SLC16A1: variants seen among roughly 807,000 people sequenced by gnomAD.
The protein encoded by SLC16A1 is solute carrier family 16 member 1, also known as monocarboxylate transporter 1.
A neutral mutation model predicts 32.2 loss-of-function variants in SLC16A1; 11 were observed. The ratio of observed to expected loss-of-function variants is 0.34; its 90% CI spans 0.21 to 0.56. The LOEUF (loss-of-function observed/expected upper bound fraction) is 0.56, where lower values mean the gene tolerates loss of function less well. SLC16A1 is among the 20% of genes least tolerant of loss of function. The pLI is 0.87. For synonymous variants in SLC16A1, 231 were observed against 226.8 expected, an observed-to-expected ratio of 1.02 and a Z score of -0.17; for missense variants, 435 against 615.0, an observed-to-expected ratio of 0.71 and a Z score of 3.10.
chr1:112,945,445 C>T lies in SLC16A1; in HGVS notation c.-45+10590G>A, dbSNP rs902569834. ...ATCCCAGCACTTTGTGAGGCCGAGGCGGGTGGATCACCTGAGGTCAGGAGC... is the reference window on the plus strand; with the variant it reads ...ATCCCAGCACTTTGTGAGGCCGAGGTGGGTGGATCACCTGAGGTCAGGAGC... On this transcript the variant is annotated intron_variant, in intron 1 of 4. Coordinates refer to ENST00000369626, the MANE Select transcript of SLC16A1 (RefSeq NM_003051.4). Among the ~76,000 whole-genome samples, 6 of 151,720 alleles carry T rather than the reference C, an allele frequency of 4.0e-5. No individual in the cohort carries two copies. In the South Asian group the frequency reaches 1.0e-3, roughly 26 times the overall value.
chr1:112,935,323 G>A (rs746639116), intron 1 of SLC16A1, among the ~76,000 whole-genome samples: 20 of 152,142 alleles, frequency 1.3e-4, no homozygotes, highest in Non-Finnish European at 2.9e-4. Flanking sequence ...GCTGAGGCAG[G>A]AGAATCGCTT....
rs1570644527 is a variant in SLC16A1, at chr1:112,945,301, AT to A, written c.-45+10733del. On this transcript the variant is annotated intron_variant, in intron 1 of 4. Transcript: ENST00000369626. ...TAAGCCACTGTGCCTGGCCGGAAACATTTTTTGATGTGTCTAGTTCCACAAT... is the reference window on the plus strand; with the variant it reads ...TAAGCCACTGTGCCTGGCCGGAAACATTTTTGATGTGTCTAGTTCCACAAT... Among the ~76,000 whole-genome samples the A allele has an allele frequency of 2.0e-5, 3 of 152,076 alleles. No individual in the cohort carries two copies. The East Asian group carries it at 5.8e-4, about 30-fold the overall frequency.
chr1:112,912,292 G>C lies in SLC16A1; in HGVS notation c.*1599C>G, dbSNP rs1173613438. On this transcript the variant is annotated 3_prime_UTR_variant, in exon 5 of 5. Transcript: ENST00000369626. ...TTTAGCAAGGCCCAAAATGAAACCT[G>C]GTAATGAAAATGAAGACACAGCAAT... 1 of 152,194 alleles carries C rather than the reference G, an allele frequency of 6.6e-6. No individual in the cohort carries two copies. Among genetic ancestry groups the C allele is most frequent in the African/African-American group, 2.4e-5 (1 of 41,440 alleles). The allele number at this position is 152,194 out of a possible 1,614,324, so 9.4% of individuals were successfully genotyped here. A position where few individuals can be genotyped will look rare whatever the true frequency, so the allele number is the denominator to read the frequency against.
At chr1:112,938,729 ATCTT>A (rs1649395258) in intron 1 of SLC16A1, among the ~76,000 whole-genome samples, 2 of 152,210 alleles carry the variant, frequency 1.3e-5, no homozygotes, top group African/African-American at 2.4e-5. Context: ...TTTTAGGCCT[ATCTT>A]TCAGAATTCT....
intron 2 of SLC16A1, chr1:112,924,109 C>T: frequency 1.5e-6 from 2 of 1,351,546 alleles, no homozygotes; most frequent in East Asian, 2.3e-5. Context: ...GCCCTGCAGG[C>T]CGCGTATGGC....
chr1:112,920,110 C>T (rs1648669250), intron 3 of SLC16A1, among the ~76,000 whole-genome samples: 2 of 152,152 alleles, frequency 1.3e-5, no homozygotes, highest in African/African-American at 4.8e-5. Context: ...AACTGATTAA[C>T]CATGTGGGAA....
At chr1:112,938,000 A>G (rs1649366765) in intron 1 of SLC16A1, among the ~76,000 whole-genome samples, 1 of 152,184 alleles carries the variant, frequency 6.6e-6, no homozygotes, top group African/African-American at 2.4e-5. Flanking sequence ...GGAAAGCCGA[A>G]GCTGTGCTCC....
chr1:112,913,885 ATGGATTCAGAC>A lies in SLC16A1; in HGVS notation c.1498_*5del. On this transcript the variant is annotated stop_lost and 3_prime_UTR_variant, in exon 5 of 5. Coordinates refer to ENST00000369626, the MANE Select transcript of SLC16A1 (RefSeq NM_003051.4). ...ACTGCTCAATTTACCCTTCAGCCCCATGGATTCAGACTGGACTTTCCTCCTCCTTGGGCCCT... is the reference window on the plus strand; with the variant it reads ...ACTGCTCAATTTACCCTTCAGCCCCATGGACTTTCCTCCTCCTTGGGCCCT... The A allele has an allele frequency of 1.2e-6, 2 of 1,614,172 alleles. No homozygotes were observed.
chr1:112,952,435 ATGTTACCT>A (rs1456266827), intron 1 of SLC16A1, among the ~76,000 whole-genome samples: 2 of 152,140 alleles, frequency 1.3e-5, no homozygotes, highest in African/African-American at 4.8e-5. Context: ...CAAATGTAAT[ATGTTACCT>A]TGTTTGGACC....
chr1:112,916,682 C>T (rs976060746), intron 4 of SLC16A1, among the ~76,000 whole-genome samples: 1 of 152,056 alleles, frequency 6.6e-6, no homozygotes, highest in African/African-American at 2.4e-5. Flanking sequence ...TGTTACCCAG[C>T]ACTTTGGGAG....
intron 2 of SLC16A1, chr1:112,922,417 T>C (rs1648768541): frequency 1.6e-5 from 7 of 430,320 alleles, no homozygotes; most frequent in South Asian, 1.5e-4. Context: ...CAGGGCAGGC[T>C]GAAAACACCT....
intron 2 of SLC16A1, chr1:112,923,883 G>A: frequency 6.6e-7 from 1 of 1,522,752 alleles, no homozygotes; most frequent in Non-Finnish European, 9.1e-7. Flanking sequence ...CACCCAGCAG[G>A]TGAAAACGGA....
intron 2 of SLC16A1, among the ~76,000 whole-genome samples, chr1:112,927,237 C>A (rs563112942): frequency 6.6e-6 from 1 of 151,400 alleles, no homozygotes; most frequent in South Asian, 2.1e-4. Flanking sequence ...AAATTCCAAA[C>A]CACAAGTGTT....
intron 1 of SLC16A1, among the ~76,000 whole-genome samples, chr1:112,939,593 C>A (rs1354760592): frequency 6.6e-6 from 1 of 152,038 alleles, no homozygotes; most frequent in Non-Finnish European, 1.5e-5. Flanking sequence ...GCAACCTCTG[C>A]CTCCCAGGTT....
At chr1:112,925,338 G>A (rs1486644855) in intron 2 of SLC16A1, among the ~76,000 whole-genome samples, 2 of 150,234 alleles carry the variant, frequency 1.3e-5, no homozygotes, top group Non-Finnish European at 3.0e-5. Flanking sequence ...ACTGACCTAT[G>A]TATCAGTTTT....
chr1:112,942,485 A>G (rs1030473119), intron 1 of SLC16A1, among the ~76,000 whole-genome samples: 2 of 152,244 alleles, frequency 1.3e-5, no homozygotes, highest in African/African-American at 4.8e-5. Context: ...ATGTATTATA[A>G]ATATTTCTGG....
intron 4 of SLC16A1, among the ~76,000 whole-genome samples, chr1:112,915,458 G>C (rs1035850840): frequency 8.5e-5 from 13 of 152,180 alleles, no homozygotes; most frequent in African/African-American, 3.1e-4. Context: ...AGGCTGGAAG[G>C]ACAGCTGGGG....
At chr1:112,931,577 G>A (rs1028208077) in intron 1 of SLC16A1, among the ~76,000 whole-genome samples, 17 of 149,980 alleles carry the variant, frequency 1.1e-4, no homozygotes, top group African/African-American at 2.0e-4. Context: ...CCCGGGAGGC[G>A]GAGGTTGCAG....
chr1:112,949,662 C>G (rs967896806), intron 1 of SLC16A1, among the ~76,000 whole-genome samples: 1 of 151,912 alleles, frequency 6.6e-6, no homozygotes, highest in Non-Finnish European at 1.5e-5. Context: ...ACTTATGGAA[C>G]CCTTGTCAGA....
Sources: gnomAD v4.1 joint callset for allele counts (sites outside exome capture counted in the v4.1 genomes callset) on GRCh38, gnomAD v4.1.1 for gene constraint, MANE v1.5 for transcripts, NCBI Gene and HGNC (gene_info 2026-07-23, HGNC 2026-07-21) for gene names.